The following ROBO2 variants were observed in gnomAD, a reference collection of about 807,000 sequenced individuals.
The protein encoded by ROBO2 is roundabout homolog 2.
Under a neutral mutation model 160.8 loss-of-function variants are expected in ROBO2, and 53 were observed. That is an observed-to-expected ratio of 0.33 (90% CI 0.26 to 0.41). The LOEUF (loss-of-function observed/expected upper bound fraction) is 0.41, where lower values mean the gene tolerates loss of function less well. Among genes scored for constraint, ROBO2 ranks in the 10% least tolerant of loss-of-function variants. The probability of loss-of-function intolerance (pLI) is 1.00; values close to 1 mark genes in which losing one functional copy is unlikely to be tolerated. For synonymous variants in ROBO2, 664 were observed against 611.7 expected (o/e 1.09, Z -1.26); for missense variants, 1,577 against 1,722.4 (o/e 0.92, Z 1.49).
intron 16 of ROBO2, among the ~76,000 whole-genome samples, chr3:77,587,016 A>G (rs1025101594): frequency 6.6e-6 from 1 of 152,070 alleles, no homozygotes; most frequent in Non-Finnish European, 1.5e-5. Flanking sequence ...GCTAGCAGCT[A>G]TAATAAAAAA....
At chr3:77,082,584 G>T (rs2068780663) in intron 1 of ROBO2, among the ~76,000 whole-genome samples, 1 of 151,564 alleles carries the variant, frequency 6.6e-6, no homozygotes, top group African/African-American at 2.4e-5. Flanking sequence ...TTTCTCCTGT[G>T]AAACATATCA....
At chr3:75,932,284 A>C (rs1947578461) in intron 1 of ROBO2, among the ~76,000 whole-genome samples, 1 of 152,148 alleles carries the variant, frequency 6.6e-6, no homozygotes, top group Non-Finnish European at 1.5e-5. Context: ...TATTCATTTA[A>C]ACTTAGACTT....
rs572940093 is a variant in ROBO2, at chr3:75,924,954, C to T, written c.-13-12527C>T. 2.8e-4 allele frequency among the ~76,000 whole-genome samples: 43 copies of T among 151,748 alleles called. 1 individual carries two copies. Among genetic ancestry groups the T allele is most frequent in the South Asian group, 1.9e-3 (9 of 4,784 alleles). On this transcript the variant is annotated intron_variant, in intron 1 of 26. Transcript: ENST00000487694. Reference sequence around the variant, plus strand: ...CCGCCCGCCTCGGCCTCCCAAAGTGCTGGGATTACAGGCGTGAGCCACCGC... The same window carrying T: ...CCGCCCGCCTCGGCCTCCCAAAGTGTTGGGATTACAGGCGTGAGCCACCGC...
At chr3:76,503,048 G>A (rs1407328664) in intron 2 of ROBO2, among the ~76,000 whole-genome samples, 5 of 151,738 alleles carry the variant, frequency 3.3e-5, no homozygotes, top group African/African-American at 1.2e-4. Context: ...GTGTGCAAAG[G>A]GGAGTTATTA....
intron 2 of ROBO2, among the ~76,000 whole-genome samples, chr3:76,462,766 TA>T (rs1227194581): frequency 6.6e-6 from 1 of 152,232 alleles, no homozygotes; most frequent in Non-Finnish European, 1.5e-5. Context: ...CAGTGTGATG[TA>T]AACTATGTGA....
At chr3:76,761,887 T>C (rs1298741371) in intron 2 of ROBO2, among the ~76,000 whole-genome samples, 1 of 151,792 alleles carries the variant, frequency 6.6e-6, no homozygotes, top group African/African-American at 2.4e-5. Flanking sequence ...AATTGAGGTA[T>C]TGTATTTCTG....
chr3:77,263,106 A>G (rs2058883680), intron 2 of ROBO2, among the ~76,000 whole-genome samples: 1 of 152,206 alleles, frequency 6.6e-6, no homozygotes, highest in Non-Finnish European at 1.5e-5. Flanking sequence ...TTGCAAAGTA[A>G]TTTGTAGAAC....
intron 2 of ROBO2, among the ~76,000 whole-genome samples, chr3:77,451,639 C>G (rs2081118256): frequency 6.6e-6 from 1 of 152,016 alleles, no homozygotes; most frequent in Non-Finnish European, 1.5e-5. Context: ...CCATTACCAG[C>G]CAAAATGTGC....
At chr3:76,481,217 T>G (rs1281544252) in intron 2 of ROBO2, among the ~76,000 whole-genome samples, 1 of 152,176 alleles carries the variant, frequency 6.6e-6, no homozygotes, top group Non-Finnish European at 1.5e-5. Context: ...AACATTAGTA[T>G]GTATTAGTTT....
At chr3:77,605,850 G>C (rs1480006402) in intron 20 of ROBO2, among the ~76,000 whole-genome samples, 1 of 152,052 alleles carries the variant, frequency 6.6e-6, no homozygotes, top group Non-Finnish European at 1.5e-5. Flanking sequence ...ATTTCTAAAA[G>C]TACCATGGAA....
At chr3:76,965,787 A>G (rs1354682097) in intron 2 of ROBO2, among the ~76,000 whole-genome samples, 840 of 78,686 alleles carry the variant, frequency 0.011, 5 homozygotes, top group Middle Eastern at 0.035. Flanking sequence ...GTGTTTGTGT[A>G]TATATATATA....
chr3:76,004,080 C>T (rs1231521722), intron 2 of ROBO2, among the ~76,000 whole-genome samples: 3 of 152,188 alleles, frequency 2.0e-5, no homozygotes, highest in Non-Finnish European at 4.4e-5. Flanking sequence ...AAAGCATGTT[C>T]ATCCAGGGAC....
chr3:77,542,172 A>G (rs2092492595), intron 6 of ROBO2, among the ~76,000 whole-genome samples: 1 of 152,178 alleles, frequency 6.6e-6, no homozygotes, highest in African/African-American at 2.4e-5. Flanking sequence ...TTTTCATTTA[A>G]AACCTCAAAA....
intron 2 of ROBO2, among the ~76,000 whole-genome samples, chr3:77,226,127 A>G (rs2086469229): frequency 1.3e-5 from 2 of 152,066 alleles, no homozygotes; most frequent in South Asian, 4.1e-4. Context: ...GGAATGTTAT[A>G]CCCACAAAAC....
At chr3:76,611,515 G>C (rs1052262245) in intron 2 of ROBO2, among the ~76,000 whole-genome samples, 8 of 152,036 alleles carry the variant, frequency 5.3e-5, no homozygotes, top group African/African-American at 1.9e-4. Flanking sequence ...TATGTGTCTA[G>C]GAACTTAACA....
rs1491055615 is a variant in ROBO2 at position 76,826,065 on chromosome 3, TTA to T, written c.110-271948_110-271947del. 2.6e-5 allele frequency among the ~76,000 whole-genome samples: 4 copies of T among 151,860 alleles called. No individual in the cohort carries two copies. In the East Asian group the frequency reaches 5.8e-4, roughly 22 times the overall value. ...AGTGAGTTTGTGGGTTTTTTTTTTTTTAAGTGGCTGTAATAGTGTCACATTTT... is the reference window on the plus strand; with the variant it reads ...AGTGAGTTTGTGGGTTTTTTTTTTTTAGTGGCTGTAATAGTGTCACATTTT... On this transcript the variant is annotated intron_variant, in intron 2 of 26. Coordinates refer to the ROBO2 transcript ENST00000487694.
At chr3:77,177,588 T>C (rs2080279718) in intron 2 of ROBO2, among the ~76,000 whole-genome samples, 1 of 152,024 alleles carries the variant, frequency 6.6e-6, no homozygotes, top group Non-Finnish European at 1.5e-5. Context: ...TTACCTTTAA[T>C]TGTTGTATGG....
chr3:76,455,314 A>G (rs1235435009), intron 2 of ROBO2, among the ~76,000 whole-genome samples: 1 of 152,148 alleles, frequency 6.6e-6, no homozygotes, highest in Non-Finnish European at 1.5e-5. Flanking sequence ...ACAGCACAAA[A>G]GTTAAACCAC....
intron 2 of ROBO2, among the ~76,000 whole-genome samples, chr3:76,949,466 C>G (rs114554489): frequency 0.035 from 5,285 of 152,196 alleles, 304 homozygotes; most frequent in African/African-American, 0.12. Flanking sequence ...ACTATGAAAT[C>G]TCAAATAGCC....
Sources: gnomAD v4.1 joint callset for allele counts (sites outside exome capture counted in the v4.1 genomes callset) on GRCh38, gnomAD v4.1.1 for gene constraint, MANE v1.5 for transcripts, NCBI Gene and HGNC (gene_info 2026-07-23, HGNC 2026-07-21) for gene names.